Variants in UNC13C observed in about 807,000 individuals in gnomAD.
UNC13C encodes unc-13 homolog C, also known as protein unc-13 homolog C.
In UNC13C, 174 loss-of-function variants were observed where a neutral mutation model predicts 245.4. The ratio of observed to expected loss-of-function variants is 0.71; its 90% CI spans 0.63 to 0.80. The LOEUF (loss-of-function observed/expected upper bound fraction) is 0.80. Ranked by LOEUF, UNC13C falls within the 30% of genes least tolerant of loss-of-function variation. The probability of loss-of-function intolerance (pLI) is 0.00; values close to 1 mark genes in which losing one functional copy is unlikely to be tolerated. For synonymous variants in UNC13C, 992 were observed against 895.1 expected (o/e 1.11, Z -1.93); for missense variants, 2,829 against 2,602.9 (o/e 1.09, Z -1.89).
intron 1 of UNC13C, among the ~76,000 whole-genome samples, chr15:54,000,743 T>C (rs1048370543): frequency 1.3e-5 from 2 of 152,136 alleles, no homozygotes; most frequent in African/African-American, 4.8e-5. Context: ...CCTAATCATA[T>C]ATAAAGAATA....
chr15:54,168,953 T>A (rs1487071572), intron 4 of UNC13C, among the ~76,000 whole-genome samples: 1 of 152,104 alleles, frequency 6.6e-6, no homozygotes, highest in East Asian at 1.9e-4. Context: ...ATGCTAAGGG[T>A]GTGTCTGAAA....
At chr15:54,530,924 T>C (rs1895711020) in intron 25 of UNC13C, among the ~76,000 whole-genome samples, 1 of 152,150 alleles carries the variant, frequency 6.6e-6, no homozygotes, top group African/African-American at 2.4e-5. Context: ...ATTGAAGATT[T>C]TTAGCAAAGG....
At chr15:54,080,613 G>A (rs1898889690) in intron 2 of UNC13C, among the ~76,000 whole-genome samples, 1 of 152,124 alleles carries the variant, frequency 6.6e-6, no homozygotes, top group South Asian at 2.1e-4. Flanking sequence ...ACATAGAAAT[G>A]TTCATAGTAG....
chr15:53,959,457 T>C, the UNC13C span, among the ~76,000 whole-genome samples: 3 of 152,144 alleles, frequency 2.0e-5, no homozygotes, highest in Admixed American at 6.6e-5. Flanking sequence ...GCATTTCTTA[T>C]GGTTTCTTTT....
chr15:53,994,791 A>C (rs1194059026), intron 1 of UNC13C, among the ~76,000 whole-genome samples: 1 of 152,164 alleles, frequency 6.6e-6, no homozygotes, highest in Non-Finnish European at 1.5e-5. Flanking sequence ...GAAATATTGC[A>C]GAACTTATAT....
At chr15:53,946,679 T>G in the UNC13C span, among the ~76,000 whole-genome samples, 2 of 149,644 alleles carry the variant, frequency 1.3e-5, no homozygotes, top group African/African-American at 2.4e-5. Context: ...TGAGGTTTTT[T>G]TTTTTTTTTT....
chr15:53,952,866 G>A, the UNC13C span, among the ~76,000 whole-genome samples: 69 of 152,278 alleles, frequency 4.5e-4, 1 homozygote, highest in African/African-American at 1.6e-3. Flanking sequence ...CAGGGCATAC[G>A]TAATAAAAGT....
chr15:54,338,551 G>T (rs544675270), intron 17 of UNC13C, 62 bp downstream of exon 17: 3 of 1,564,048 alleles, frequency 1.9e-6, no homozygotes, highest in African/African-American at 1.4e-5. Flanking sequence ...GTTTCCATAA[G>T]TTTAGCATAA....
intron 4 of UNC13C, among the ~76,000 whole-genome samples, chr15:54,168,771 T>C (rs991376541): frequency 7.2e-5 from 11 of 152,004 alleles, no homozygotes; most frequent in African/African-American, 2.7e-4. Context: ...GTAGAAAAAA[T>C]CAGCGAAAAC....
chr15:53,965,184 TA>T, the UNC13C span, among the ~76,000 whole-genome samples: 2 of 152,160 alleles, frequency 1.3e-5, no homozygotes, highest in African/African-American at 4.8e-5. Flanking sequence ...ATTTTTAATG[TA>T]AAAAGTAGGC....
chr15:53,966,555 TTTAC>T, the UNC13C span, among the ~76,000 whole-genome samples: 25 of 152,298 alleles, frequency 1.6e-4, no homozygotes, highest in African/African-American at 5.3e-4. Flanking sequence ...TCATATTTTC[TTTAC>T]TTACTTTATT....
At chr15:54,482,042 C>T (rs1596459488) in intron 19 of UNC13C, among the ~76,000 whole-genome samples, 1 of 152,178 alleles carries the variant, frequency 6.6e-6, no homozygotes, top group East Asian at 1.9e-4. Flanking sequence ...GCTCTCAAGC[C>T]CTGGGGAATA....
intron 20 of UNC13C, among the ~76,000 whole-genome samples, chr15:54,495,885 G>A (rs1239304181): frequency 6.6e-6 from 1 of 151,872 alleles, no homozygotes; most frequent in Non-Finnish European, 1.5e-5. Context: ...TAAGAAGTAA[G>A]GGGACAGTGG....
At chr15:54,021,179 T>C (rs1013727586) in intron 2 of UNC13C, among the ~76,000 whole-genome samples, 10 of 152,208 alleles carry the variant, frequency 6.6e-5, no homozygotes, top group Admixed American at 5.2e-4. Flanking sequence ...ACATATTTTT[T>C]TTTTAGTGAG....
chr15:54,614,163 C>G (rs1253890928), intron 30 of UNC13C, among the ~76,000 whole-genome samples: 1 of 151,840 alleles, frequency 6.6e-6, no homozygotes, highest in Non-Finnish European at 1.5e-5. Flanking sequence ...TTTTTTTAGA[C>G]TCTGGCTATA....
At chr15:54,333,360 C>T (rs1480458656) in intron 15 of UNC13C, among the ~76,000 whole-genome samples, 2 of 151,876 alleles carry the variant, frequency 1.3e-5, no homozygotes, top group African/African-American at 2.4e-5. Flanking sequence ...AAAGTAAATG[C>T]AGCACATGTA....
At chr15:53,880,546 G>GA in the UNC13C span, among the ~76,000 whole-genome samples, 1 of 152,168 alleles carries the variant, frequency 6.6e-6, no homozygotes, top group Non-Finnish European at 1.5e-5. Context: ...GCTTCAAGAA[G>GA]CTTCCTGTGA....
chr15:54,073,688 A>G (rs1487977960), intron 2 of UNC13C, among the ~76,000 whole-genome samples: 1 of 152,004 alleles, frequency 6.6e-6, no homozygotes, highest in Admixed American at 6.6e-5. Context: ...TTCTTTTGAC[A>G]AGTATCTGTC....
intron 13 of UNC13C, among the ~76,000 whole-genome samples, chr15:54,307,563 A>G (rs2037759303): frequency 6.6e-6 from 1 of 151,964 alleles, no homozygotes; most frequent in Admixed American, 6.6e-5. Context: ...TTTAGGGGGA[A>G]GAGAACAAAG....
Sources: gnomAD v4.1 joint callset for allele counts (sites outside exome capture counted in the v4.1 genomes callset) on GRCh38, gnomAD v4.1.1 for gene constraint, MANE v1.5 for transcripts, NCBI Gene and HGNC (gene_info 2026-07-23, HGNC 2026-07-21) for gene names.